Variants in CCDC141 observed in about 807,000 individuals in gnomAD.
The protein encoded by CCDC141 is coiled-coil domain-containing protein 141.
A neutral mutation model predicts 181.0 loss-of-function variants in CCDC141; 168 were observed. The observed-to-expected ratio is 0.93, with a 90% CI of 0.82 to 1.05. The LOEUF (loss-of-function observed/expected upper bound fraction) is 1.05. Among genes scored for constraint, CCDC141 ranks in the 50% least tolerant of loss-of-function variants. The pLI, the probability that CCDC141 is intolerant of heterozygous loss-of-function variation, is 0.00. For missense variants in CCDC141, 1,902 were observed against 1,788.5 expected (o/e 1.06, Z -1.14); for synonymous variants, 666 against 642.3 (o/e 1.04, Z -0.56).
At chr2:179,047,917 G>C (rs1356290899) in intron 1 of CCDC141, among the ~76,000 whole-genome samples, 1 of 152,172 alleles carries the variant, frequency 6.6e-6, no homozygotes, top group Non-Finnish European at 1.5e-5. Context: ...ATCAGATGAA[G>C]AAATTGATTT....
intron 8 of CCDC141, among the ~76,000 whole-genome samples, chr2:178,899,661 T>C (rs1387658749): frequency 6.6e-6 from 1 of 152,138 alleles, no homozygotes; most frequent in Non-Finnish European, 1.5e-5. Context: ...ATAGGAACCT[T>C]AATAAACTGT....
At chr2:179,024,310 T>C (rs919607279) in intron 2 of CCDC141, among the ~76,000 whole-genome samples, 1 of 152,254 alleles carries the variant, frequency 6.6e-6, no homozygotes. Flanking sequence ...TTTGTTTCTT[T>C]ACCCACATTC....
chr2:179,016,438 T>A (rs1029600874), intron 2 of CCDC141, among the ~76,000 whole-genome samples: 1 of 152,184 alleles, frequency 6.6e-6, no homozygotes, highest in East Asian at 1.9e-4. Flanking sequence ...AAAGAAAATA[T>A]GCAACAGCAT....
At chr2:178,995,806 C>T (rs943709042) in intron 2 of CCDC141, among the ~76,000 whole-genome samples, 3 of 152,108 alleles carry the variant, frequency 2.0e-5, no homozygotes, top group African/African-American at 7.2e-5. Flanking sequence ...TATTTTCTTA[C>T]CTAGCTATTT....
chr2:178,869,071 A>G, intron 15 of CCDC141, 46 bp downstream of exon 15: 1 of 1,316,438 alleles, frequency 7.6e-7, no homozygotes, highest in Non-Finnish European at 1.0e-6. Flanking sequence ...TTTTAATTGC[A>G]TAGTTTAAAA....
At chr2:178,882,930 C>A (rs970235389) in intron 11 of CCDC141, among the ~76,000 whole-genome samples, 1 of 151,606 alleles carries the variant, frequency 6.6e-6, no homozygotes, top group African/African-American at 2.4e-5. Context: ...GAAAGGAAAG[C>A]CAGAGGAGGA....
At chr2:178,905,211 T>C (rs987331536) in intron 8 of CCDC141, 118 bp downstream of exon 8, 16 of 917,668 alleles carry the variant, frequency 1.7e-5, no homozygotes, top group Middle Eastern at 2.2e-4. Context: ...TTTTAAGCCA[T>C]ATCATAATGC....
At chr2:178,905,792 C>A (rs1243391778) in intron 7 of CCDC141, among the ~76,000 whole-genome samples, 1 of 152,052 alleles carries the variant, frequency 6.6e-6, no homozygotes, top group Non-Finnish European at 1.5e-5. Context: ...GAGTTATAAC[C>A]GCATAGAATT....
At chr2:178,916,808 G>A (rs901926444) in intron 7 of CCDC141, among the ~76,000 whole-genome samples, 62 of 152,206 alleles carry the variant, frequency 4.1e-4, no homozygotes, top group African/African-American at 1.5e-3. Context: ...AGCATGCCAT[G>A]GCTTTCAAAT....
intron 6 of CCDC141, among the ~76,000 whole-genome samples, chr2:178,928,364 A>G (rs953116015): frequency 1.3e-5 from 2 of 152,242 alleles, no homozygotes; most frequent in Non-Finnish European, 2.9e-5. Context: ...AAATGGCTAA[A>G]TTAGCACAGG....
intron 7 of CCDC141, among the ~76,000 whole-genome samples, chr2:178,912,703 G>A (rs377710583): frequency 6.6e-6 from 1 of 152,128 alleles, no homozygotes; most frequent in East Asian, 1.9e-4. Context: ...CATATATAAA[G>A]ACATGTTCAG....
In CCDC141 at chr2:179,049,839, C is replaced by T; in HGVS notation, c.102+1G>A. On this transcript the variant is annotated splice_donor_variant, in intron 1 of 23. Transcript: ENST00000443758. LOFTEE classifies it high-confidence loss of function. ...CAGAAAAAAGGAAGTTGTTAGCTTA[C>T]CTTTATGACAGCTATAACGATTTTG... 6.4e-7 allele frequency: 1 copy of T among 1,550,684 alleles called. No individual in the cohort carries two copies. Among genetic ancestry groups the T allele is most frequent in the African/African-American group, 1.4e-5 (1 of 73,142 alleles).
chr2:178,856,288 T>C lies in CCDC141; in HGVS notation c.2834A>G (p.Gln945Arg). The change falls in exon 18 of 24, where the codon CAG (glutamine) becomes CGG (arginine). Residue 945 changes from glutamine (Q) to arginine (R), a missense_variant. Coordinates refer to ENST00000443758, the MANE Select transcript of CCDC141 (RefSeq NM_173648.4). ...TTTTTCAGCATACATATCAACTTGCTGAATTTGATATTTAAGCGCCTTCAG... is the reference window on the plus strand; with the variant it reads ...TTTTTCAGCATACATATCAACTTGCCGAATTTGATATTTAAGCGCCTTCAG... ...RNLKALKYQIQQVDMYAEKMQ... is the reference protein window; with the variant it reads ...RNLKALKYQIRQVDMYAEKMQ... 1 of 1,611,028 alleles carries C rather than the reference T, an allele frequency of 6.2e-7. No homozygotes were observed. The highest frequency in any genetic ancestry group is 8.5e-7 in the Non-Finnish European group (1 of 1,178,650).
chr2:178,989,867 C>T (rs1257266404), intron 2 of CCDC141, among the ~76,000 whole-genome samples: 2 of 139,804 alleles, frequency 1.4e-5, no homozygotes, highest in Non-Finnish European at 3.1e-5. Flanking sequence ...AGGCCGGGCA[C>T]AGTGGTTCAC....
chr2:178,897,398 G>A (rs1687464021), intron 8 of CCDC141, among the ~76,000 whole-genome samples: 1 of 152,180 alleles, frequency 6.6e-6, no homozygotes, highest in Non-Finnish European at 1.5e-5. Flanking sequence ...AAAGGAAGTA[G>A]CAGTAGCCAA....
chr2:178,855,554 C>A lies in CCDC141; in HGVS notation c.2866-13G>T. 5 of 1,540,716 alleles carry A rather than the reference C, an allele frequency of 3.2e-6. No homozygotes were observed. In the South Asian group the frequency reaches 5.1e-5, roughly 16 times the overall value. On this transcript the variant is annotated splice_polypyrimidine_tract_variant and intron_variant, in intron 18 of 23. Transcript: ENST00000443758. ...TCCTTTTCAAAGCCTGTGTGAAAAA[C>A]AAAAAGTTTTTTAAACAACATTCAA... is the stretch of plus-strand genomic sequence containing the variant.
At chr2:178,854,870 T>G (rs1246860321) in intron 19 of CCDC141, among the ~76,000 whole-genome samples, 1 of 152,220 alleles carries the variant, frequency 6.6e-6, no homozygotes, top group Non-Finnish European at 1.5e-5. Context: ...ATATATTTTA[T>G]GTATACTCTA....
At chr2:178,989,559 A>G (rs907303750) in intron 2 of CCDC141, among the ~76,000 whole-genome samples, 2 of 150,746 alleles carry the variant, frequency 1.3e-5, no homozygotes, top group African/African-American at 4.9e-5. Context: ...ATACCACTGT[A>G]CTCCAGCCTG....
At chr2:178,900,114 A>G (rs1040745515) in intron 8 of CCDC141, among the ~76,000 whole-genome samples, 9 of 152,206 alleles carry the variant, frequency 5.9e-5, no homozygotes, top group South Asian at 2.1e-4. Flanking sequence ...AAATATTATA[A>G]TATCTCGAGG....
Sources: gnomAD v4.1 joint callset for allele counts (sites outside exome capture counted in the v4.1 genomes callset) on GRCh38, gnomAD v4.1.1 for gene constraint, MANE v1.5 for transcripts, NCBI Gene and HGNC (gene_info 2026-07-23, HGNC 2026-07-21) for gene names.